The following ZBTB41 variants were observed in gnomAD, a reference collection of about 807,000 sequenced individuals.
ZBTB41 encodes zinc finger and BTB domain containing 41.
In ZBTB41, 42 loss-of-function variants were observed where a neutral mutation model predicts 87.6. That is an observed-to-expected ratio of 0.48 (90% CI 0.37 to 0.62). The LOEUF (loss-of-function observed/expected upper bound fraction) is 0.62, where lower values mean the gene tolerates loss of function less well. Ranked by LOEUF, ZBTB41 falls within the 20% of genes least tolerant of loss-of-function variation. The pLI is 0.00. For missense variants in ZBTB41, 799 were observed against 1,078.9 expected, an observed-to-expected ratio of 0.74 and a Z score of 3.63; for synonymous variants, 364 against 364.0, an observed-to-expected ratio of 1.00 and a Z score of 0.00.
intron 7 of ZBTB41, among the ~76,000 whole-genome samples, 155 bp downstream of exon 7, chr1:197,178,262 G>GT (rs1288116634): frequency 6.6e-6 from 1 of 151,042 alleles, no homozygotes; most frequent in East Asian, 1.9e-4. Context: ...AAAATGTTTA[G>GT]TAAAAAAAAA....
At chr1:197,174,962 A>C in intron 9 of ZBTB41, 48 bp downstream of exon 9, 4 of 1,473,746 alleles carry the variant, frequency 2.7e-6, no homozygotes, top group African/African-American at 1.4e-5. Flanking sequence ...AACTTTCCTC[A>C]GAGACTTAGC....
intron 5 of ZBTB41, 120 bp from the exon 6 acceptor site, chr1:197,181,237 C>T (rs1172674162): frequency 2.8e-5 from 23 of 822,022 alleles, no homozygotes; most frequent in Non-Finnish European, 3.9e-5. Flanking sequence ...TAATACACTG[C>T]AATTTCTCTT....
At chr1:197,192,923 A>T (rs1440469914) in intron 2 of ZBTB41, among the ~76,000 whole-genome samples, 1 of 152,110 alleles carries the variant, frequency 6.6e-6, no homozygotes, top group Non-Finnish European at 1.5e-5. Flanking sequence ...AGCAAGTAAT[A>T]TCATATTTTC....
intron 10 of ZBTB41, among the ~76,000 whole-genome samples, chr1:197,161,420 A>G (rs924456206): frequency 3.3e-5 from 5 of 152,116 alleles, no homozygotes; most frequent in African/African-American, 1.2e-4. Context: ...TACATCTTCA[A>G]GTTGAATCAC....
In ZBTB41 at chr1:197,182,054, A is replaced by C. The variant is rs1011578804; in HGVS notation, c.1547-937T>G. 3.9e-5 allele frequency among the ~76,000 whole-genome samples: 6 copies of C among 152,116 alleles called. 1 individual carries two copies. In the South Asian group the frequency reaches 1.0e-3, roughly 26 times the overall value. On this transcript the variant is annotated intron_variant, in intron 5 of 10. Coordinates refer to ENST00000367405, the MANE Select transcript of ZBTB41 (RefSeq NM_194314.3). Reference sequence around the variant, plus strand: ...AGCACTGTGTTAAGTATTATGAAAAATCTCTCCACCTCCTCTGAACCAAAA... The same window carrying C: ...AGCACTGTGTTAAGTATTATGAAAACTCTCTCCACCTCCTCTGAACCAAAA...
rs201648378 is a variant in ZBTB41, at chr1:197,199,547, T to C, written c.927A>G (p.Leu309=). 1.7e-5 allele frequency: 28 copies of C among 1,608,578 alleles called. No individual in the cohort carries two copies. The South Asian group carries it at 3.0e-4, about 17-fold the overall frequency. ...AGTACTCATCTGACATCTCCTCCTCTAGCTCATCTTCTTCAGCATTATATT... is the reference window on the plus strand; with the variant it reads ...AGTACTCATCTGACATCTCCTCCTCCAGCTCATCTTCTTCAGCATTATATT... ...GSEYNAEEDE[L]EEEMSDEYSD... The change falls in exon 2 of 11, where the codon CTA becomes CTG. Residue 309 remains leucine, a synonymous_variant. Coordinates refer to ENST00000367405, the MANE Select transcript of ZBTB41 (RefSeq NM_194314.3).
chr1:197,190,980 G>T, intron 3 of ZBTB41, 149 bp from the exon 4 acceptor site: 1 of 512,036 alleles, frequency 2.0e-6, no homozygotes, highest in Non-Finnish European at 3.4e-6. Flanking sequence ...CTTTAAGAAG[G>T]TATCATTATC....
At position 197,159,806 on chromosome 1, in the gene ZBTB41, T is replaced by G. The variant is rs1659156607; in HGVS notation, c.2283A>C (p.Glu761Asp). Residue 761 changes from glutamate (E) to aspartate (D), a missense_variant, in exon 11 of 11, where the codon GAA (glutamate) becomes GAC (aspartate). Physicochemically the swap from Glu to Asp is conservative, Grantham distance 45. Coordinates refer to ENST00000367405, the MANE Select transcript of ZBTB41 (RefSeq NM_194314.3). ...SPDDPLSTSE[E>D]KLVSLPVEYS... ...ACTCAACTGGCAAGGATACAAGTTT[T>G]TCCTCAGAAGTACTGAGAGGATCAT... The G allele has an allele frequency of 6.2e-7, 1 of 1,614,022 alleles. No individual in the cohort carries two copies.
At position 197,188,433 on chromosome 1, in the gene ZBTB41, T is replaced by C. The variant is rs761116346; in HGVS notation, c.1405A>G (p.Lys469Glu). 1.3e-6 allele frequency: 2 copies of C among 1,597,342 alleles called. No individual in the cohort carries two copies. Among genetic ancestry groups the C allele is most frequent in the Non-Finnish European group, 1.7e-6 (2 of 1,174,454 alleles). The change falls in exon 5 of 11, where the codon AAG (lysine) becomes GAG (glutamate). Residue 469 changes from lysine (K) to glutamate (E), a missense_variant. Lys to Glu is a moderately conservative substitution (Grantham distance 56, BLOSUM62 1). This residue lies in a region of ZBTB41 where 198 missense variants were observed against 358.4 expected (regional missense o/e 0.55). Transcript: ENST00000367405. ...TGTGGTCTTCGAGTAAAAGATTTCTTACAAATCTAAATTAAAATGCAAACA... is the reference window on the plus strand; with the variant it reads ...TGTGGTCTTCGAGTAAAAGATTTCTCACAAATCTAAATTAAAATGCAAACA... Reference protein sequence around the residue: ...KSESWKCDICKKSFTRRPHLE... With the variant: ...KSESWKCDICEKSFTRRPHLE...
intron 10 of ZBTB41, 53 bp downstream of exon 10, chr1:197,172,107 A>T: frequency 1.7e-6 from 1 of 581,454 alleles, no homozygotes; most frequent in Non-Finnish European, 2.6e-6. Flanking sequence ...TGATTACACT[A>T]TATATATCTC....
intron 2 of ZBTB41, 23 bp downstream of exon 2, chr1:197,199,331 G>T: frequency 6.8e-7 from 1 of 1,469,160 alleles, no homozygotes; most frequent in Non-Finnish European, 9.0e-7. Flanking sequence ...ATTAGAGATA[G>T]AAAACCAGTT....
At chr1:197,162,505 AAATG>A (rs1659225645) in intron 10 of ZBTB41, among the ~76,000 whole-genome samples, 1 of 152,166 alleles carries the variant, frequency 6.6e-6, no homozygotes, top group Non-Finnish European at 1.5e-5. Context: ...TAGAATTTAA[AAATG>A]TCATCCACAG....
intron 10 of ZBTB41, among the ~76,000 whole-genome samples, chr1:197,166,873 T>G (rs1031170643): frequency 1.3e-5 from 2 of 151,254 alleles, no homozygotes; most frequent in Admixed American, 1.3e-4. Flanking sequence ...ACAAAAAAAT[T>G]TAATTAAAAC....
chr1:197,173,419 G>A (rs571137239), intron 9 of ZBTB41, among the ~76,000 whole-genome samples: 33 of 151,954 alleles, frequency 2.2e-4, no homozygotes, highest in Non-Finnish European at 3.8e-4. Context: ...TTTAATTTTT[G>A]TTAGAGACAG....
rs188694582 is a variant in ZBTB41, at chr1:197,197,896, G to A, written c.1120+1458C>T. ...CACGGGACTAATGTTCAGTGGGACA[G>A]TTTGAGATATTTGTGTTGCACCTAC... On this transcript the variant is annotated intron_variant, in intron 2 of 10. Transcript: ENST00000367405. Among the ~76,000 whole-genome samples, 451 of 152,282 alleles carry A rather than the reference G, an allele frequency of 3.0e-3. 2 individuals are homozygous for A. Among genetic ancestry groups the A allele is most frequent in the Middle Eastern group, 0.01 (3 of 294 alleles).
chr1:197,188,292 C>A lies in ZBTB41; in HGVS notation c.1546G>T (p.Gly516Cys). The change falls in exon 5 of 11, where the codon GGT (glycine) becomes TGT (cysteine). Residue 516 changes from glycine (G) to cysteine (C), a missense_variant and splice_region_variant. Physicochemically the swap from Gly to Cys is radical, Grantham distance 159. Around this residue, in one of 5 missense-constraint regions of ZBTB41, gnomAD observed 198 missense variants for 358.4 expected, o/e 0.55. Transcript: ENST00000367405. ...RLKHQEKFHL[G>C]PFPCDICGRQ... is the part of the protein sequence containing the mutation. ...CCTTAAGAAAAAGTAACTTGCTTACCCAGATGGAACTTTTCTTGATGCTTT... is the reference window on the plus strand; with the variant it reads ...CCTTAAGAAAAAGTAACTTGCTTACACAGATGGAACTTTTCTTGATGCTTT... 1 of 1,611,814 alleles carries A rather than the reference C, an allele frequency of 6.2e-7. No individual in the cohort carries two copies. Among genetic ancestry groups the A allele is most frequent in the Non-Finnish European group, 8.5e-7 (1 of 1,179,376 alleles).
intron 2 of ZBTB41, among the ~76,000 whole-genome samples, chr1:197,194,992 T>G (rs1266698763): frequency 6.6e-6 from 1 of 152,216 alleles, no homozygotes; most frequent in Admixed American, 6.5e-5. Flanking sequence ...TCTTTGTTTT[T>G]GTTTTGTTTC....
rs1406270016 is a variant in ZBTB41 at position 197,200,220 on chromosome 1, G to A, written c.254C>T (p.Pro85Leu). Reference sequence around the variant, plus strand: ...TATGATAAGTAAATCACAAAAAGATGGTTGCTTCTGCCTATCATCATTTAA... The same window carrying A: ...TATGATAAGTAAATCACAAAAAGATAGTTGCTTCTGCCTATCATCATTTAA... ...KYLNDDRQKQ[P>L]SFCDLLIIVE... Residue 85 changes from proline (P) to leucine (L), a missense_variant, in exon 2 of 11, where the codon CCA becomes CTA. Physicochemically the swap from Pro to Leu is moderately conservative, Grantham distance 98. Transcript: ENST00000367405. The A allele has an allele frequency of 1.2e-6, 2 of 1,613,282 alleles. No individual in the cohort carries two copies. The highest frequency in any genetic ancestry group is 2.2e-5 in the East Asian group (1 of 44,888).
At chr1:197,190,861 G>A in intron 3 of ZBTB41, 30 bp from the exon 4 acceptor site, 1 of 1,426,970 alleles carries the variant, frequency 7.0e-7, no homozygotes, top group Non-Finnish European at 9.7e-7. Flanking sequence ...AGATTATTAG[G>A]AAAAGGTTAT....
Sources: allele counts gnomAD v4.1 joint callset (sites outside exome capture counted in the v4.1 genomes callset), GRCh38; gene constraint gnomAD v4.1.1; regional missense constraint gnomAD v4.1.1; transcripts MANE v1.5; gene names NCBI Gene and HGNC (gene_info 2026-07-23, HGNC 2026-07-21).